SYT3: variants seen among roughly 807,000 people sequenced by gnomAD.
SYT3 encodes synaptotagmin-3.
SYT3 carries 25 observed loss-of-function variants against 50.6 expected under a neutral mutation model. That is an observed-to-expected ratio of 0.49 (90% confidence interval 0.36 to 0.69). The LOEUF (loss-of-function observed/expected upper bound fraction) is 0.69. Ranked by LOEUF, SYT3 falls within the 30% of genes least tolerant of loss-of-function variation. SYT3 has a pLI of 0.00. For synonymous variants in SYT3, 323 were observed against 353.9 expected (o/e 0.91, Z 0.98); for missense variants, 589 against 793.6 (o/e 0.74, Z 3.10).
At chr19:50,623,220 G>A (rs1983912626) in intron 9 of SYT3, among the ~76,000 whole-genome samples, 1 of 152,076 alleles carries the variant, frequency 6.6e-6, no homozygotes, top group Non-Finnish European at 1.5e-5. Context: ...AGAAACTCCT[G>A]GGAAGGTTGG....
At chr19:50,636,973 G>A (rs1984514987) in intron 3 of SYT3, among the ~76,000 whole-genome samples, 2 of 152,176 alleles carry the variant, frequency 1.3e-5, no homozygotes. Flanking sequence ...ACCCAAACAA[G>A]TCAGTCTGAC....
the SYT3 span, among the ~76,000 whole-genome samples, chr19:50,657,318 C>T: frequency 2.6e-5 from 4 of 152,214 alleles, no homozygotes; most frequent in Non-Finnish European, 4.4e-5. Context: ...ACTCTCCAGC[C>T]TCCCCTCTCA....
At chr19:50,630,667 C>T (rs559282315) in intron 4 of SYT3, among the ~76,000 whole-genome samples, 2 of 152,180 alleles carry the variant, frequency 1.3e-5, no homozygotes, top group African/African-American at 4.8e-5. Context: ...AGATGATCTG[C>T]CCGCCTCGGC....
At chr19:50,640,197 A>G (rs967920797), upstream of SYT3, among the ~76,000 whole-genome samples, 1 of 152,172 alleles carries the variant, frequency 6.6e-6, no homozygotes, top group Admixed American at 6.5e-5. Context: ...GGCCGGTGGT[A>G]GGAGCGGAAG....
the SYT3 span, chr19:50,649,807 C>T: frequency 1.9e-6 from 1 of 533,084 alleles, no homozygotes. Context: ...GGTAACCTCA[C>T]TGTCTTGTCT....
In SYT3 at chr19:50,632,226, A is replaced by C; in HGVS notation, c.674+60T>G. 62 of 1,480,690 alleles carry C rather than the reference A, an allele frequency of 4.2e-5. No individual in the cohort carries two copies. The highest frequency in any genetic ancestry group is 5.3e-5 in the Non-Finnish European group (58 of 1,101,570). The allele number at this position is 1,480,690 out of a possible 1,614,324, so 91.7% of individuals were successfully genotyped here. A position where few individuals can be genotyped will look rare whatever the true frequency, so the allele number is the denominator to read the frequency against. ...AACTCATAAGAGCTATAGATAGGAA[A>C]GAGACACAGAGGAGGAGCAGAAGTT... On this transcript the variant is annotated intron_variant, in intron 4 of 10. Transcript: ENST00000600079. This position sits in a 1 kb window ranked among gnomAD's most constrained non-coding sequence, Gnocchi z 4.7.
chr19:50,642,165 C>A (rs956322766), upstream of SYT3, among the ~76,000 whole-genome samples: 9 of 152,310 alleles, frequency 5.9e-5, no homozygotes, highest in Admixed American at 4.6e-4. Flanking sequence ...CGGGTGTAAA[C>A]CTACAGACCA....
At chr19:50,650,435 C>T in the SYT3 span, among the ~76,000 whole-genome samples, 2 of 152,182 alleles carry the variant, frequency 1.3e-5, no homozygotes, top group African/African-American at 2.4e-5. Context: ...CTTTGGAGGC[C>T]GAGGTGAGTG....
the SYT3 span, chr19:50,656,373 T>C: frequency 6.6e-7 from 1 of 1,521,192 alleles, no homozygotes. Context: ...CCTTATTTTC[T>C]GCACAGTTTT....
chr19:50,624,629 C>T (rs1440069910), intron 9 of SYT3, among the ~76,000 whole-genome samples: 2 of 151,730 alleles, frequency 1.3e-5, no homozygotes, highest in Admixed American at 6.6e-5. Flanking sequence ...CTCAGCTCAC[C>T]GCAACCTCTG....
chr19:50,634,917 C>T (rs756345249), intron 3 of SYT3, among the ~76,000 whole-genome samples: 1 of 146,218 alleles, frequency 6.8e-6, no homozygotes, highest in East Asian at 2.1e-4. Flanking sequence ...GACAGAGTCT[C>T]GCTGTGTCAC....
chr19:50,648,992 C>T, the SYT3 span, among the ~76,000 whole-genome samples: 9 of 150,038 alleles, frequency 6.0e-5, no homozygotes, highest in African/African-American at 1.2e-4. Context: ...CAAGGAGGGA[C>T]GGGGGCCTGG....
chr19:50,629,393 C>T lies in SYT3; in HGVS notation c.1182G>A (p.Arg394=). ...FSVYDFDRFS[R]HDLIGQVVLD... is the part of the protein sequence containing the mutation. ...GCACCACCTGGCCGATGAGGTCGTG[C>T]CGCGAGAAGCGGTCAAAGTCATAGA... Residue 394 remains arginine (R), a synonymous_variant, in exon 6 of 11, where the codon CGG becomes CGA. Transcript: ENST00000600079. The T allele has an allele frequency of 6.2e-7, 1 of 1,613,834 alleles. No individual in the cohort carries two copies. The highest frequency in any genetic ancestry group is 8.5e-7 in the Non-Finnish European group (1 of 1,179,888).
Position 50,637,525 on chromosome 19 carries a change from AAAGG to A in SYT3, c.-15-103_-15-100del. Reference sequence around the variant, plus strand: ...ATAAGGGTGGAAAGAGACACCGAGAAAAGGAAGGATGGGCAAAGGGGACAGAGAT... The same window carrying A: ...ATAAGGGTGGAAAGAGACACCGAGAAAAGGATGGGCAAAGGGGACAGAGAT... On this transcript the variant is annotated intron_variant, in intron 2 of 10. Coordinates refer to ENST00000600079, the MANE Select transcript of SYT3 (RefSeq NM_001160329.2). This position sits in a 1 kb window ranked among gnomAD's most constrained non-coding sequence, Gnocchi z 4.9. The A allele has an allele frequency of 2.7e-6, 3 of 1,094,488 alleles. No homozygotes were observed. The highest frequency in any genetic ancestry group is 3.9e-6 in the Non-Finnish European group (3 of 777,902). 67.8% of individuals were successfully genotyped at this position (1,094,488 alleles called of 1,614,324 possible).
chr19:50,653,380 G>T, the SYT3 span, among the ~76,000 whole-genome samples: 36 of 152,170 alleles, frequency 2.4e-4, no homozygotes, highest in African/African-American at 7.9e-4. Context: ...ATATAAAAGG[G>T]ACAGTAAGCA....
At chr19:50,628,170 C>G (rs913028595) in intron 6 of SYT3, among the ~76,000 whole-genome samples, 2 of 152,246 alleles carry the variant, frequency 1.3e-5, no homozygotes, top group African/African-American at 2.4e-5. Context: ...CCACAACACA[C>G]ACACAGCTAC....
Position 50,632,363 on chromosome 19 carries a change from G to A in SYT3, c.597C>T (p.Leu199=). The A allele has an allele frequency of 6.2e-7, 1 of 1,610,568 alleles. No individual in the cohort carries two copies. The change falls in exon 4 of 11, where the codon CTC becomes CTT. Residue 199 remains leucine (L), a synonymous_variant. Coordinates refer to ENST00000600079, the MANE Select transcript of SYT3 (RefSeq NM_001160329.2). The surrounding 1 kb of genome is among the most constrained non-coding windows in gnomAD (Gnocchi z 4.7). ...PSEGGAGSGL[L]LLPPSGGGLP... ...AGCCCCCACCACTGGGGGGCAGCAG[G>A]AGCAACCCAGAGCCTGCTCCCCCCT... is the stretch of plus-strand genomic sequence containing the variant.
At chr19:50,623,794 C>T (rs934202059) in intron 9 of SYT3, among the ~76,000 whole-genome samples, 3 of 151,498 alleles carry the variant, frequency 2.0e-5, no homozygotes, top group Admixed American at 6.6e-5. Flanking sequence ...CAGAGTGAGA[C>T]TCTGTCTCAA....
the SYT3 span, among the ~76,000 whole-genome samples, chr19:50,654,854 A>G: frequency 1.3e-5 from 2 of 152,176 alleles, no homozygotes. Flanking sequence ...TCAGCTGGTC[A>G]AGAACCAGAA....
Sources: allele counts gnomAD v4.1 joint callset (sites outside exome capture counted in the v4.1 genomes callset), GRCh38; gene constraint gnomAD v4.1.1; non-coding constraint Gnocchi (gnomAD v3.1); transcripts MANE v1.5; gene names NCBI Gene and HGNC (gene_info 2026-07-23, HGNC 2026-07-21).